Variants in ZNF366 observed in about 807,000 individuals in gnomAD.
ZNF366 encodes the protein zinc finger protein 366.
A neutral mutation model predicts 47.2 loss-of-function variants in ZNF366; 20 were observed. The ratio of observed to expected loss-of-function variants is 0.42; its 90% CI spans 0.30 to 0.62. The LOEUF (loss-of-function observed/expected upper bound fraction) is 0.62, where lower values mean the gene tolerates loss of function less well. Among genes scored for constraint, ZNF366 ranks in the 20% least tolerant of loss-of-function variants. The pLI is 0.16. For synonymous variants in ZNF366, 421 were observed against 395.1 expected (o/e 1.07, Z -0.78); for missense variants, 987 against 976.3 (o/e 1.01, Z -0.15).
chr5:72,498,522 G>A (rs1413199602), intron 1 of ZNF366, among the ~76,000 whole-genome samples: 2 of 152,214 alleles, frequency 1.3e-5, no homozygotes, highest in East Asian at 1.9e-4. Flanking sequence ...AGTGAATGAA[G>A]TGCTTTATGA....
At chr5:72,460,059 G>C (rs1035183732) in intron 2 of ZNF366, 106 bp downstream of exon 2, 4 of 1,440,086 alleles carry the variant, frequency 2.8e-6, no homozygotes, top group Non-Finnish European at 3.7e-6. Flanking sequence ...CCACCTCCTC[G>C]GGGTAAGGTG....
At chr5:72,485,579 G>T (rs1743874999) in intron 1 of ZNF366, among the ~76,000 whole-genome samples, 1 of 152,256 alleles carries the variant, frequency 6.6e-6, no homozygotes, top group African/African-American at 2.4e-5. Flanking sequence ...CAGGATCATT[G>T]TAACAGCCTC....
intron 4 of ZNF366, 46 bp from the exon 5 acceptor site, chr5:72,444,337 G>A (rs745663444): frequency 1.6e-5 from 25 of 1,554,762 alleles, no homozygotes; most frequent in Non-Finnish European, 2.1e-5. Flanking sequence ...AAATGCTGTG[G>A]AAATGGGACC....
chr5:72,461,564 T>C (rs1160370648), intron 1 of ZNF366, 54 bp from the exon 2 acceptor site: 1 of 1,511,726 alleles, frequency 6.6e-7, no homozygotes, highest in East Asian at 2.3e-5. Context: ...TAAAATTCTC[T>C]TTTTCCTTAA....
At position 72,443,921 on chromosome 5, in the gene ZNF366, C is replaced by T. The variant is rs145012296; in HGVS notation, c.2070G>A (p.Glu690=). ...KGDLGAEGGQ[E]RDCAGRDECL... ...ACTCATCTCTGCCGGCACAGTCTCT[C>T]TCCTGGCCGCCCTCTGCCCCAAGGT... Residue 690 remains glutamate, a synonymous_variant, in exon 5 of 5, where the codon GAG becomes GAA. Transcript: ENST00000318442. The T allele has an allele frequency of 3.3e-3, 5,249 of 1,614,244 alleles. 20 individuals carry two copies. Among genetic ancestry groups the T allele is most frequent in the Non-Finnish European group, 3.9e-3 (4,579 of 1,180,040 alleles).
At chr5:72,498,130 GA>G (rs112452992) in intron 1 of ZNF366, among the ~76,000 whole-genome samples, 162 of 149,360 alleles carry the variant, frequency 1.1e-3, no homozygotes, top group African/African-American at 3.8e-3. Flanking sequence ...TCTGCGATTC[GA>G]AAAAAAAATA....
intron 1 of ZNF366, among the ~76,000 whole-genome samples, chr5:72,502,846 G>A (rs4703938): frequency 0.17 from 26,436 of 152,062 alleles, 2,532 homozygotes; most frequent in East Asian, 0.38. Flanking sequence ...CTATTCCACC[G>A]GGCGCAGTAG....
chr5:72,458,425 T>C (rs753973070), intron 2 of ZNF366, among the ~76,000 whole-genome samples: 1 of 152,210 alleles, frequency 6.6e-6, no homozygotes, highest in Non-Finnish European at 1.5e-5. Context: ...TTAAAGAGAA[T>C]TCTGTGTCCA....
At chr5:72,470,802 G>A (rs1339966473) in intron 1 of ZNF366, among the ~76,000 whole-genome samples, 2 of 152,198 alleles carry the variant, frequency 1.3e-5, no homozygotes, top group Non-Finnish European at 2.9e-5. Context: ...CATCTCCCAT[G>A]AGGAAGGTGC....
intron 1 of ZNF366, among the ~76,000 whole-genome samples, chr5:72,480,818 A>G (rs1743775446): frequency 6.6e-6 from 1 of 152,240 alleles, no homozygotes; most frequent in African/African-American, 2.4e-5. Flanking sequence ...TATAGTTTCT[A>G]AAACCTTTGG....
chr5:72,502,993 C>T (rs572574344), intron 1 of ZNF366, among the ~76,000 whole-genome samples: 61 of 152,048 alleles, frequency 4.0e-4, no homozygotes, highest in South Asian at 1.2e-3. Flanking sequence ...GGCGTGGTGG[C>T]GGGCAGCTGT....
intron 1 of ZNF366, among the ~76,000 whole-genome samples, chr5:72,477,207 C>T (rs1211360470): frequency 6.6e-6 from 1 of 152,190 alleles, no homozygotes; most frequent in Non-Finnish European, 1.5e-5. Context: ...ATATCTAGCT[C>T]ATATTTTTAG....
intron 1 of ZNF366, among the ~76,000 whole-genome samples, chr5:72,462,511 C>CTT (rs1476762680): frequency 7.7e-5 from 5 of 64,910 alleles, no homozygotes; most frequent in East Asian, 1.7e-3. Flanking sequence ...TGCCAGTTTT[C>CTT]TTTCTTTCTT....
At chr5:72,486,199 T>C (rs762946370) in intron 1 of ZNF366, among the ~76,000 whole-genome samples, 22 of 152,230 alleles carry the variant, frequency 1.4e-4, no homozygotes, top group South Asian at 6.2e-4. Context: ...TGAGAGGTTG[T>C]TGCCTGGTAA....
chr5:72,504,059 GCACA>G (rs1241583920), intron 1 of ZNF366, among the ~76,000 whole-genome samples: 3 of 151,574 alleles, frequency 2.0e-5, no homozygotes, highest in African/African-American at 4.9e-5. Flanking sequence ...ACACACGCAC[GCACA>G]CACGCACGCA....
chr5:72,471,874 C>CG lies in ZNF366; in HGVS notation c.-14-10365dup, dbSNP rs1430793871. The stretch of plus-strand genomic sequence containing the variant: ...TTAAAAAAAATTTTTTTTTAAGAGA[C>CG]GGGGTCTCACTTTGTTGCCCAGGCT... On this transcript the variant is annotated intron_variant, in intron 1 of 4. Transcript: ENST00000318442. Among the ~76,000 whole-genome samples, 9 of 152,130 alleles carry CG rather than the reference C, an allele frequency of 5.9e-5. No homozygotes were observed. In the South Asian group the frequency reaches 1.2e-3, roughly 21 times the overall value.
chr5:72,445,299 G>C (rs1038853410), intron 4 of ZNF366, among the ~76,000 whole-genome samples: 7 of 152,092 alleles, frequency 4.6e-5, no homozygotes, highest in Admixed American at 2.0e-4. Context: ...GGGATGGGCG[G>C]GACACTGAGG....
intron 1 of ZNF366, among the ~76,000 whole-genome samples, chr5:72,465,007 G>A (rs964516571): frequency 1.3e-5 from 2 of 151,854 alleles, no homozygotes; most frequent in Admixed American, 6.6e-5. Context: ...GCAGTGAGCC[G>A]AGATTGCACC....
intron 3 of ZNF366, among the ~76,000 whole-genome samples, chr5:72,447,872 C>G (rs1017746614): frequency 6.6e-6 from 1 of 152,134 alleles, no homozygotes; most frequent in African/African-American, 2.4e-5. Flanking sequence ...ATTACCACCC[C>G]CATTTTACAG....
Sources: gnomAD v4.1 joint callset for allele counts (sites outside exome capture counted in the v4.1 genomes callset) on GRCh38, gnomAD v4.1.1 for gene constraint, MANE v1.5 for transcripts, NCBI Gene and HGNC (gene_info 2026-07-23, HGNC 2026-07-21) for gene names.